The following PRKCA variants were observed in gnomAD, a reference collection of about 807,000 sequenced individuals.
The protein encoded by PRKCA is protein kinase C alpha type.
PRKCA carries 27 observed loss-of-function variants against 87.0 expected under a neutral mutation model. The ratio of observed to expected loss-of-function variants is 0.31; its 90% CI spans 0.23 to 0.43. The LOEUF (loss-of-function observed/expected upper bound fraction) is 0.43, where lower values mean the gene tolerates loss of function less well. Ranked by LOEUF, PRKCA falls within the 20% of genes least tolerant of loss-of-function variation. PRKCA has a pLI of 1.00. For missense variants in PRKCA, 518 were observed against 852.3 expected (o/e 0.61, Z 4.88); for synonymous variants, 329 against 311.1 (o/e 1.06, Z -0.61).
intron 2 of PRKCA, among the ~76,000 whole-genome samples, chr17:66,338,274 A>G (rs1906829065): frequency 6.6e-6 from 1 of 152,024 alleles, no homozygotes; most frequent in Non-Finnish European, 1.5e-5. Context: ...CAAGCTTGTC[A>G]CTACTCATTT....
chr17:66,433,339 TC>T (rs1913197636), intron 2 of PRKCA, among the ~76,000 whole-genome samples: 1 of 152,152 alleles, frequency 6.6e-6, no homozygotes, highest in Non-Finnish European at 1.5e-5. Flanking sequence ...TGAAATTACC[TC>T]CACTGAAGTT....
intron 3 of PRKCA, among the ~76,000 whole-genome samples, chr17:66,565,565 A>G (rs1475705150): frequency 1.3e-5 from 2 of 152,234 alleles, no homozygotes; most frequent in African/African-American, 4.8e-5. Flanking sequence ...AGCCAGGGCT[A>G]CAAATCAGTA....
intron 11 of PRKCA, among the ~76,000 whole-genome samples, chr17:66,740,941 AT>A (rs1187986263): frequency 6.6e-6 from 1 of 151,740 alleles, no homozygotes; most frequent in African/African-American, 2.4e-5. Context: ...ATCATTAGAG[AT>A]TTTTTTTCCT....
At chr17:66,759,711 A>ACATG (rs1356378636) in intron 13 of PRKCA, among the ~76,000 whole-genome samples, 1 of 152,266 alleles carries the variant, frequency 6.6e-6, no homozygotes, top group African/African-American at 2.4e-5. Flanking sequence ...AAGTATAAAG[A>ACATG]CATGTAGATT....
chr17:66,732,679 G>A lies in PRKCA; in HGVS notation c.919-9G>A. 6.2e-7 allele frequency: 1 copy of A among 1,613,930 alleles called. No individual in the cohort carries two copies. ...ACCCACGTGTTTCCCATTTGTGCTT[G>A]TTATTTAGAAAGCCAAACTTGGCCC... On this transcript the variant is annotated splice_polypyrimidine_tract_variant and intron_variant, in intron 8 of 16. Coordinates refer to ENST00000413366, the MANE Select transcript of PRKCA (RefSeq NM_002737.3).
chr17:66,330,304 G>A (rs1207515629), intron 2 of PRKCA, among the ~76,000 whole-genome samples: 4 of 151,750 alleles, frequency 2.6e-5, no homozygotes, highest in East Asian at 1.9e-4. Context: ...ATGGGGTTTC[G>A]CCATCTCGGC....
intron 2 of PRKCA, among the ~76,000 whole-genome samples, chr17:66,374,433 C>T (rs1477956188): frequency 2.0e-5 from 3 of 152,174 alleles, no homozygotes; most frequent in Admixed American, 6.5e-5. Context: ...ACACGGGTGT[C>T]GCCCCAGACT....
chr17:66,651,524 G>A (rs1033456697), intron 5 of PRKCA, among the ~76,000 whole-genome samples: 9 of 152,196 alleles, frequency 5.9e-5, no homozygotes, highest in Admixed American at 2.0e-4. Flanking sequence ...GGTACCTTTT[G>A]CAGTGACAGG....
intron 2 of PRKCA, among the ~76,000 whole-genome samples, chr17:66,377,563 ACATATATAATATCTATAT>A (rs1179872543): frequency 8.1e-5 from 12 of 147,542 alleles, no homozygotes; most frequent in Non-Finnish European, 1.8e-4. Context: ...TGCCTATATT[ACATATATAATATCTATAT>A]TACATATATG....
chr17:66,437,990 G>T (rs1472411725), intron 2 of PRKCA, among the ~76,000 whole-genome samples: 1 of 151,428 alleles, frequency 6.6e-6, no homozygotes, highest in Non-Finnish European at 1.5e-5. Flanking sequence ...GTGCTACTGT[G>T]CCCTTTATAC....
chr17:66,784,061 G>A (rs888482521), intron 14 of PRKCA, among the ~76,000 whole-genome samples: 5 of 152,224 alleles, frequency 3.3e-5, no homozygotes, highest in African/African-American at 1.2e-4. Flanking sequence ...GACTTGGAAA[G>A]TATGTGTCTG....
intron 2 of PRKCA, among the ~76,000 whole-genome samples, chr17:66,427,681 A>G (rs1379648937): frequency 6.6e-6 from 1 of 152,222 alleles, no homozygotes; most frequent in African/African-American, 2.4e-5. Flanking sequence ...TATCACAGAA[A>G]GCAGTTAAGA....
intron 3 of PRKCA, among the ~76,000 whole-genome samples, chr17:66,554,880 C>CTTTTTTTTTTTTTTTTTTTTTTTTTTT (rs565435672): frequency 7.2e-6 from 1 of 138,524 alleles, no homozygotes; most frequent in African/African-American, 2.7e-5. Flanking sequence ...ATTGTAAATT[C>CTTTTTTTTTTTTTTTTTTTTTTTTTTT]TTTTTTTTTT....
intron 5 of PRKCA, among the ~76,000 whole-genome samples, chr17:66,671,076 T>C (rs530137347): frequency 5.3e-5 from 8 of 150,572 alleles, no homozygotes; most frequent in Non-Finnish European, 1.0e-4. Flanking sequence ...CCTGGTGTGG[T>C]GGTGTGCGCC....
intron 8 of PRKCA, among the ~76,000 whole-genome samples, chr17:66,700,075 C>A (rs1973025006): frequency 6.6e-6 from 1 of 152,194 alleles, no homozygotes; most frequent in Non-Finnish European, 1.5e-5. Context: ...TACTATCAAA[C>A]CAAATTCACC....
At chr17:66,636,978 T>C (rs1172737635) in intron 3 of PRKCA, among the ~76,000 whole-genome samples, 1 of 152,128 alleles carries the variant, frequency 6.6e-6, no homozygotes. Flanking sequence ...TTACTGTCGT[T>C]GTAATTCATA....
intron 2 of PRKCA, among the ~76,000 whole-genome samples, chr17:66,428,438 C>G (rs1055160231): frequency 6.6e-6 from 1 of 151,796 alleles, no homozygotes; most frequent in Non-Finnish European, 1.5e-5. Flanking sequence ...TCAAGGGAAA[C>G]TGCACAAGAC....
intron 2 of PRKCA, among the ~76,000 whole-genome samples, chr17:66,480,012 AAC>A (rs1199124029): frequency 6.0e-4 from 83 of 139,264 alleles, no homozygotes; most frequent in African/African-American, 2.0e-3. Context: ...AAAAAAAAAA[AAC>A]ATTTTGGTTT....
At chr17:66,631,089 G>T (rs8075106) in intron 3 of PRKCA, among the ~76,000 whole-genome samples, 1,879 of 152,198 alleles carry the variant, frequency 0.012, 45 homozygotes, top group African/African-American at 0.042. Context: ...CTGTGAGATT[G>T]CATATGTCCT....
Sources: gnomAD v4.1 joint callset for allele counts (sites outside exome capture counted in the v4.1 genomes callset) on GRCh38, gnomAD v4.1.1 for gene constraint, MANE v1.5 for transcripts, NCBI Gene and HGNC (gene_info 2026-07-23, HGNC 2026-07-21) for gene names.